Variants in NCKAP5 observed in about 807,000 individuals in gnomAD.
NCKAP5 encodes NCK associated protein 5.
In NCKAP5, 92 loss-of-function variants were observed where a neutral mutation model predicts 167.0. The observed-to-expected ratio is 0.55, with a 90% CI of 0.47 to 0.66. The LOEUF is 0.66. NCKAP5 is among the 30% of genes least tolerant of loss of function. The pLI, the probability that NCKAP5 is intolerant of heterozygous loss-of-function variation, is 0.00. For missense variants in NCKAP5, 2,378 were observed against 2,315.0 expected (o/e 1.03, Z -0.56); for synonymous variants, 891 against 877.4 (o/e 1.02, Z -0.27).
At chr2:133,259,481 T>C (rs10193871) in intron 4 of NCKAP5, among the ~76,000 whole-genome samples, 16,044 of 152,242 alleles carry the variant, frequency 0.11, 964 homozygotes, top group East Asian at 0.18. Context: ...AAGATGAGTT[T>C]CTCCAACTAT....
At chr2:133,057,347 G>A (rs2079840051) in intron 6 of NCKAP5, among the ~76,000 whole-genome samples, 1 of 152,174 alleles carries the variant, frequency 6.6e-6, no homozygotes, top group African/African-American at 2.4e-5. Context: ...TAGTGAGGAA[G>A]GCCTGTTGAA....
intron 3 of NCKAP5, among the ~76,000 whole-genome samples, chr2:133,454,342 G>T (rs1419902020): frequency 6.6e-6 from 1 of 152,056 alleles, no homozygotes; most frequent in Non-Finnish European, 1.5e-5. Context: ...TAAATATTGT[G>T]TTTGTTATCT....
chr2:132,826,493 G>T (rs968569742), intron 11 of NCKAP5, among the ~76,000 whole-genome samples: 4 of 152,138 alleles, frequency 2.6e-5, no homozygotes, highest in African/African-American at 7.2e-5. Flanking sequence ...GCTATTAGAG[G>T]TGACCTGACA....
chr2:133,548,718 C>A (rs1686984098), intron 2 of NCKAP5, among the ~76,000 whole-genome samples: 1 of 151,804 alleles, frequency 6.6e-6, no homozygotes. Flanking sequence ...TAAAAGAGCT[C>A]CTGAAGGAAG....
intron 6 of NCKAP5, among the ~76,000 whole-genome samples, chr2:133,034,444 T>C (rs1328648671): frequency 1.3e-5 from 2 of 149,842 alleles, no homozygotes; most frequent in African/African-American, 5.1e-5. Flanking sequence ...TCAACATTTA[T>C]AGTAAGCACA....
chr2:133,041,085 T>C (rs1450876008), intron 6 of NCKAP5, among the ~76,000 whole-genome samples: 1 of 152,202 alleles, frequency 6.6e-6, no homozygotes, highest in Admixed American at 6.6e-5. Context: ...AAAGGAGTTT[T>C]GCATACTTCG....
intron 6 of NCKAP5, among the ~76,000 whole-genome samples, chr2:132,998,618 T>C (rs1383506845): frequency 5.3e-5 from 8 of 152,178 alleles, no homozygotes; most frequent in African/African-American, 1.4e-4. Context: ...TAAAAATTCT[T>C]ATTTAACAAA....
At chr2:133,259,499 T>C (rs752911683) in intron 4 of NCKAP5, among the ~76,000 whole-genome samples, 32 of 152,166 alleles carry the variant, frequency 2.1e-4, no homozygotes, top group Non-Finnish European at 4.3e-4. Flanking sequence ...TATGTCAGTG[T>C]AGCAAGAGGA....
rs1472723652 is a variant in NCKAP5, at chr2:133,473,469, G to A, written c.69+43989C>T. Among the ~76,000 whole-genome samples, 3 of 152,328 alleles carry A rather than the reference G, an allele frequency of 2.0e-5. 1 individual carries two copies. Among genetic ancestry groups the A allele is most frequent in the African/African-American group, 4.8e-5 (2 of 41,578 alleles). ...ATTATCCCCCAGAGTTTCTGATTCA[G>A]TAGGTTTCATGGGGTTGTGAGGAGA... On this transcript the variant is annotated intron_variant, in intron 3 of 19. Transcript: ENST00000409261.
intron 8 of NCKAP5, among the ~76,000 whole-genome samples, chr2:132,908,854 T>C (rs1694208859): frequency 6.6e-6 from 1 of 152,212 alleles, no homozygotes; most frequent in Non-Finnish European, 1.5e-5. Flanking sequence ...CCCTATGGCA[T>C]AATTCTGAAA....
At chr2:133,657,829 A>G in the NCKAP5 span, among the ~76,000 whole-genome samples, 2 of 152,166 alleles carry the variant, frequency 1.3e-5, no homozygotes, top group African/African-American at 4.8e-5. Flanking sequence ...GCTCTGAGTC[A>G]GAGCTCAGCT....
At chr2:133,625,604 A>C in the NCKAP5 span, among the ~76,000 whole-genome samples, 2 of 152,132 alleles carry the variant, frequency 1.3e-5, no homozygotes, top group Non-Finnish European at 2.9e-5. Context: ...CAACTTGAGC[A>C]GCAATAAGAA....
Position 132,678,526 on chromosome 2 carries a change from A to G in NCKAP5, c.5714-5221T>C, listed in dbSNP as rs1479824897. Among the ~76,000 whole-genome samples the G allele has an allele frequency of 3.9e-5, 6 of 152,158 alleles. No individual in the cohort carries two copies. The East Asian group carries it at 1.2e-3, about 29-fold the overall frequency. ...CATAATTTCTTATTTCTCTATTGCT[A>G]TAGAGATTCACTGCCCATGGATCAA... On this transcript the variant is annotated intron_variant, in intron 19 of 19. Transcript: ENST00000409261.
At chr2:133,635,826 G>A in the NCKAP5 span, among the ~76,000 whole-genome samples, 7 of 152,172 alleles carry the variant, frequency 4.6e-5, no homozygotes, top group African/African-American at 1.4e-4. Context: ...TGCATTTTCT[G>A]AAAATCATGA....
At chr2:133,614,706 C>A in the NCKAP5 span, among the ~76,000 whole-genome samples, 15 of 152,138 alleles carry the variant, frequency 9.9e-5, no homozygotes, top group African/African-American at 3.6e-4. Context: ...GAGAACGGAA[C>A]CAAGTTGGAA....
intron 6 of NCKAP5, chr2:133,123,761 A>G (rs1022543446): frequency 1.7e-5 from 8 of 471,066 alleles, no homozygotes; most frequent in Non-Finnish European, 8.8e-6. Flanking sequence ...CCAAAGGTCA[A>G]TTGACAGCTT....
chr2:133,435,467 G>A (rs1280686799), intron 3 of NCKAP5, among the ~76,000 whole-genome samples: 3 of 152,132 alleles, frequency 2.0e-5, no homozygotes, highest in Non-Finnish European at 4.4e-5. Context: ...CACTGAAAAC[G>A]GAGACAGACT....
At chr2:133,112,671 G>A (rs1459129990) in intron 6 of NCKAP5, among the ~76,000 whole-genome samples, 2 of 152,182 alleles carry the variant, frequency 1.3e-5, no homozygotes, top group Non-Finnish European at 2.9e-5. Flanking sequence ...TCACAAGAAT[G>A]GCAATGCCAT....
At chr2:133,444,426 A>AT (rs1346889922) in intron 3 of NCKAP5, among the ~76,000 whole-genome samples, 1 of 152,198 alleles carries the variant, frequency 6.6e-6, no homozygotes, top group Non-Finnish European at 1.5e-5. Flanking sequence ...ATAGATGTAG[A>AT]TATTTAAAAA....
Sources: gnomAD v4.1 joint callset for allele counts (sites outside exome capture counted in the v4.1 genomes callset) on GRCh38, gnomAD v4.1.1 for gene constraint, MANE v1.5 for transcripts, NCBI Gene and HGNC (gene_info 2026-07-23, HGNC 2026-07-21) for gene names.